WAS: variants seen among roughly 807,000 people sequenced by gnomAD.
WAS encodes the protein actin nucleation-promoting factor WAS.
WAS carries 1 observed loss-of-function variant against 38.9 expected under a neutral mutation model. That is an observed-to-expected ratio of 0.03 (90% CI 0.01 to 0.12). The LOEUF (loss-of-function observed/expected upper bound fraction) is 0.12, where lower values mean the gene tolerates loss of function less well. Among genes scored for constraint, WAS ranks in the 10% least tolerant of loss-of-function variants. The probability of loss-of-function intolerance (pLI) is 1.00; values close to 1 mark genes in which losing one functional copy is unlikely to be tolerated. For missense variants in WAS, 311 were observed against 431.2 expected (o/e 0.72, Z 2.47); for synonymous variants, 182 against 173.6 (o/e 1.05, Z -0.38).
Position 48,689,405 on chromosome X carries a change from A to G in WAS, c.1424A>G (p.Gln475Arg). 1 of 1,209,627 alleles carries G rather than the reference A, an allele frequency of 8.3e-7. No individual in the cohort carries two copies. The highest frequency in any genetic ancestry group is 1.1e-6 in the Non-Finnish European group (1 of 894,750). The change falls in exon 11 of 12, where the codon CAG becomes CGG. Residue 475 changes from glutamine to arginine, a missense_variant. Transcript: ENST00000376701. ...GLVGALMHVM[Q>R]KRSRAIHSSD... Reference sequence around the variant, plus strand: ...GTGGGGGCCCTGATGCACGTGATGCAGAAGAGAAGCAGAGCCATCCACTCC... The same window carrying G: ...GTGGGGGCCCTGATGCACGTGATGCGGAAGAGAAGCAGAGCCATCCACTCC...
Position 48,688,104 on chromosome X carries a change from A to G in WAS, c.777+8A>G. The G allele has an allele frequency of 8.3e-7, 1 of 1,203,142 alleles. No homozygotes were observed. Among genetic ancestry groups the G allele is most frequent in the Non-Finnish European group, 1.1e-6 (1 of 890,905 alleles). On this transcript the variant is annotated splice_region_variant and intron_variant, in intron 8 of 11. Transcript: ENST00000376701. ...CCCCAGAATGGATTTGACGTGAGTAACTTCAGAGTCTCTTGGACTCCACTA... is the reference window on the plus strand; with the variant it reads ...CCCCAGAATGGATTTGACGTGAGTAGCTTCAGAGTCTCTTGGACTCCACTA...
rs782643256 is a variant in WAS at position 48,688,476 on chromosome X, T to A, written c.931+23T>A. 14 of 1,207,809 alleles carry A rather than the reference T, an allele frequency of 1.2e-5. No homozygotes were observed. In the Admixed American group the frequency reaches 2.8e-4, roughly 25 times the overall value. The stretch of plus-strand genomic sequence containing the variant: ...AGGGTGAGACCCTGCTTCCATACGC[T>A]CCCTTCTCTAGCCCAAGCAGCTCAT... On this transcript the variant is annotated intron_variant, in intron 9 of 11. Transcript: ENST00000376701.
In WAS at chrX:48,685,778, G is replaced by T; in HGVS notation, c.405G>T (p.Gln135His). 8.4e-7 allele frequency: 1 copy of T among 1,183,931 alleles called. No individual in the cohort carries two copies. Among genetic ancestry groups the T allele is most frequent in the East Asian group, 3.1e-5 (1 of 32,075 alleles). Reference protein sequence around the residue: ...GLNFADEDEAQAFRALVQEKI... With the variant: ...GLNFADEDEAHAFRALVQEKI... The stretch of plus-strand genomic sequence containing the variant: ...ACTTTGCAGACGAGGACGAGGCCCA[G>T]GCCTTCCGGGCCCTCGTGCAGGAGA... Residue 135 changes from glutamine to histidine, a missense_variant, in exon 4 of 12, where the codon CAG (glutamine) becomes CAT (histidine). Transcript: ENST00000376701.
Position 48,688,719 on chromosome X carries a change from A to G in WAS, c.991A>G (p.Ile331Val). 1 of 1,176,011 alleles carries G rather than the reference A, an allele frequency of 8.5e-7. No homozygotes were observed. Among genetic ancestry groups the G allele is most frequent in the Non-Finnish European group, 1.1e-6 (1 of 877,916 alleles). ...AGGGAACCAGCTCCCCCGGCCCCCT[A>G]TTGTGGGGGGTAACAAGGGTCGTTC... ...RGGNQLPRPP[I>V]VGGNKGRSGP... is the part of the protein sequence containing the mutation. The change falls in exon 10 of 12, where the codon ATT becomes GTT. Residue 331 changes from isoleucine to valine, a missense_variant. Physicochemically the swap from Ile to Val is conservative, Grantham distance 29. This residue lies in a region of WAS where 142 missense variants were observed against 157.6 expected (regional missense o/e 0.90). Transcript: ENST00000376701.
chrX:48,688,538 G>T (rs782550850), intron 9 of WAS, 85 bp downstream of exon 9: 2 of 1,195,465 alleles, frequency 1.7e-6, no homozygotes, highest in Non-Finnish European at 1.1e-6. Context: ...GTCCTTATGG[G>T]AGCACCTATA....
At chrX:48,684,796 T>G (rs1331399373) in intron 2 of WAS, among the ~76,000 whole-genome samples, 1 of 111,850 alleles carries the variant, frequency 8.9e-6, no homozygotes, top group African/African-American at 3.3e-5. Context: ...GCCAAGCTCC[T>G]AAGTCATAAA....
Position 48,688,756 on chromosome X carries a change from C to T in WAS, c.1028C>T (p.Pro343Leu). Residue 343 changes from proline (P) to leucine (L), a missense_variant, in exon 10 of 12, where the codon CCC (proline) becomes CTC (leucine). Pro to Leu is a moderately conservative substitution (Grantham distance 98). Around this residue, in one of 4 missense-constraint regions of WAS, gnomAD observed 142 missense variants for 157.6 expected, o/e 0.90. Transcript: ENST00000376701. The part of the protein sequence containing the change: ...GGNKGRSGPL[P>L]PVPLGIAPPP... ...AACAAGGGTCGTTCTGGTCCACTGC[C>T]CCCTGTACCTTTGGGGATTGCCCCA... 2 of 1,164,359 alleles carry T rather than the reference C, an allele frequency of 1.7e-6. No individual in the cohort carries two copies. The highest frequency in any genetic ancestry group is 2.3e-6 in the Non-Finnish European group (2 of 870,456).
chrX:48,678,581 G>A (rs782558668), intron 1 of WAS, among the ~76,000 whole-genome samples: 2 of 111,878 alleles, frequency 1.8e-5, no homozygotes, highest in Non-Finnish European at 3.8e-5. Flanking sequence ...GGTTCCTGGT[G>A]TTTGCTGTAT....
chrX:48,677,317 T>C (rs1396480798), intron 1 of WAS, among the ~76,000 whole-genome samples: 1 of 110,314 alleles, frequency 9.1e-6, no homozygotes, highest in African/African-American at 3.3e-5. Context: ...CCTGGAAGCC[T>C]GAGGGAGGAA....
chrX:48,682,451 G>A (rs2062403687), upstream of WAS, among the ~76,000 whole-genome samples: 1 of 112,474 alleles, frequency 8.9e-6, no homozygotes, highest in Non-Finnish European at 1.9e-5. Flanking sequence ...CACACGTTAA[G>A]TGCTATGTGA....
chrX:48,682,679 G>A (rs1440214947), upstream of WAS, among the ~76,000 whole-genome samples: 1 of 111,080 alleles, frequency 9.0e-6, no homozygotes, highest in Non-Finnish European at 1.9e-5. Context: ...TGGATCACGA[G>A]GTCGAGAAAT....
At chrX:48,685,426 T>A (rs1485191922) in intron 2 of WAS, 121 bp from the exon 3 acceptor site, 6 of 542,299 alleles carry the variant, frequency 1.1e-5, no homozygotes, top group Non-Finnish European at 1.9e-5. Context: ...GAGCTGAAAA[T>A]CTCCAAACCA....
In WAS at chrX:48,688,916, A is replaced by G; in HGVS notation, c.1188A>G (p.Pro396=). ...PGAGGPPMPP[P]PPPPPPPPSS... is the part of the protein sequence containing the mutation. ...CTGGTGGGCCACCCATGCCACCACC[A>G]CCGCCACCACCGCCACCGCCGCCCA... The change falls in exon 10 of 12, where the codon CCA becomes CCG. Residue 396 remains proline, a synonymous_variant. Coordinates refer to ENST00000376701, the MANE Select transcript of WAS (RefSeq NM_000377.3). 9.0e-7 allele frequency: 1 copy of G among 1,106,598 alleles called. No individual in the cohort carries two copies. The highest frequency in any genetic ancestry group is 1.2e-6 in the Non-Finnish European group (1 of 841,797). The allele number at this position is 1,106,598 out of a possible 1,213,427, so 91.2% of individuals were successfully genotyped here.
chrX:48,677,468 A>G, intron 1 of WAS, among the ~76,000 whole-genome samples: 1 of 112,062 alleles, frequency 8.9e-6, no homozygotes. Flanking sequence ...ATCACTTTAC[A>G]CAAATCATCT....
At chrX:48,686,685 A>C (rs2062421036) in intron 6 of WAS, 96 bp from the exon 7 acceptor site, 1 of 1,052,263 alleles carries the variant, frequency 9.5e-7, no homozygotes, top group African/African-American at 1.8e-5. Flanking sequence ...CATCCAACAC[A>C]CACACAGATT....
At chrX:48,686,208 T>TGAG in intron 6 of WAS, 74 bp downstream of exon 6, 2 of 1,123,992 alleles carry the variant, frequency 1.8e-6, no homozygotes, top group Non-Finnish European at 2.4e-6. Context: ...GTTGGATGGG[T>TGAG]GCGTAAGTGG....
At position 48,683,858 on chromosome X, in the gene WAS, G is replaced by C. The variant is rs1216332519; in HGVS notation, c.5G>C (p.Ser2Thr). Residue 2 changes from serine to threonine, a missense_variant, in exon 1 of 12, where the codon AGT (serine) becomes ACT (threonine). Physicochemically the swap from Ser to Thr is moderately conservative, Grantham distance 58 (BLOSUM62 1). This residue lies in a region of WAS where 64 missense variants were observed against 122.5 expected (regional missense o/e 0.52). Coordinates refer to ENST00000376701, the MANE Select transcript of WAS (RefSeq NM_000377.3). Reference protein sequence around the residue: MSGGPMGGRPGG... With the variant: MTGGPMGGRPGG... ...AAGACAAGGGCAGAAAGCACCATGAGTGGGGGCCCAATGGGAGGAAGGCCC... is the reference window on the plus strand; with the variant it reads ...AAGACAAGGGCAGAAAGCACCATGACTGGGGGCCCAATGGGAGGAAGGCCC... 4.1e-6 allele frequency: 5 copies of C among 1,209,748 alleles called. No individual in the cohort carries two copies. In the African/African-American group the frequency reaches 7.0e-5, roughly 17 times the overall value.
At chrX:48,679,342 T>C, upstream of WAS, among the ~76,000 whole-genome samples, 1 of 112,336 alleles carries the variant, frequency 8.9e-6, no homozygotes, top group Admixed American at 9.5e-5. Context: ...TTTTTTTGTT[T>C]TGTTTTGTTT....
chrX:48,683,837 C>G lies in WAS; in HGVS notation c.-17C>G, dbSNP rs782615912. The G allele has an allele frequency of 8.3e-7, 1 of 1,208,790 alleles. No individual in the cohort carries two copies. The highest frequency in any genetic ancestry group is 3.0e-5 in the East Asian group (1 of 33,721). ...GCACCCAGAGCCTCGCCAGAGAAGA[C>G]AAGGGCAGAAAGCACCATGAGTGGG... On this transcript the variant is annotated 5_prime_UTR_variant, in exon 1 of 12. Coordinates refer to ENST00000376701, the MANE Select transcript of WAS (RefSeq NM_000377.3).
Sources: allele counts gnomAD v4.1 joint callset (sites outside exome capture counted in the v4.1 genomes callset), GRCh38; gene constraint gnomAD v4.1.1; regional missense constraint gnomAD v4.1.1; transcripts MANE v1.5; gene names NCBI Gene and HGNC (gene_info 2026-07-23, HGNC 2026-07-21).